Variants in PRORP observed in about 807,000 individuals in gnomAD.
PRORP encodes mitochondrial ribonuclease P catalytic subunit.
Under a neutral mutation model 59.4 loss-of-function variants are expected in PRORP, and 51 were observed. The ratio of observed to expected loss-of-function variants is 0.86; its 90% CI spans 0.69 to 1.08. The LOEUF (loss-of-function observed/expected upper bound fraction) is 1.08, where lower values mean the gene tolerates loss of function less well. Among genes scored for constraint, PRORP ranks in the 50% least tolerant of loss-of-function variants. PRORP has a pLI of 0.00. For synonymous variants in PRORP, 231 were observed against 245.6 expected (o/e 0.94, Z 0.55); for missense variants, 646 against 690.3 (o/e 0.94, Z 0.72).
At chr14:35,194,011 A>T (rs958428665) in intron 5 of PRORP, among the ~76,000 whole-genome samples, 1 of 152,060 alleles carries the variant, frequency 6.6e-6, no homozygotes, top group Non-Finnish European at 1.5e-5. Context: ...TCAAATATAT[A>T]TATGAGGAGC....
rs1566480704 is a variant in PRORP, at chr14:35,180,746, A to G, written c.1244A>G (p.Lys415Arg). ...GTCATTGATGGTCTCAATGTTGCCAAAATGTTTCCTAAAGTTCGTGAATCT... is the reference window on the plus strand; with the variant it reads ...GTCATTGATGGTCTCAATGTTGCCAGAATGTTTCCTAAAGTTCGTGAATCT... ...DVVIDGLNVAKMFPKVRESQL... is the reference protein window; with the variant it reads ...DVVIDGLNVARMFPKVRESQL... The change falls in exon 5 of 8, where the codon AAA becomes AGA. Residue 415 changes from lysine to arginine, a missense_variant. Lys to Arg is a conservative substitution (Grantham distance 26). Coordinates refer to ENST00000534898, the MANE Select transcript of PRORP (RefSeq NM_014672.4). 5.6e-6 allele frequency: 9 copies of G among 1,612,156 alleles called. No homozygotes were observed. Among genetic ancestry groups the G allele is most frequent in the Non-Finnish European group, 7.6e-6 (9 of 1,178,632 alleles).
chr14:35,162,973 T>G (rs2048098633), intron 4 of PRORP, among the ~76,000 whole-genome samples: 1 of 152,170 alleles, frequency 6.6e-6, no homozygotes, highest in Non-Finnish European at 1.5e-5. Context: ...TTTTGGACTT[T>G]CTGTTCTGAT....
intron 5 of PRORP, among the ~76,000 whole-genome samples, chr14:35,218,472 A>AAC (rs1226840684): frequency 6.9e-5 from 10 of 145,848 alleles, no homozygotes; most frequent in Non-Finnish European, 1.4e-4. Context: ...AAAAAGAAAA[A>AAC]AAAAAAAAAA....
chr14:35,126,083 G>T (rs1282499910), intron 2 of PRORP, among the ~76,000 whole-genome samples: 4 of 152,158 alleles, frequency 2.6e-5, no homozygotes, highest in Non-Finnish European at 5.9e-5. Context: ...GAGAAGAGTA[G>T]ATAGGAGAGG....
At chr14:35,158,130 T>C in intron 4 of PRORP, 1 of 277,808 alleles carries the variant, frequency 3.6e-6, no homozygotes, top group Non-Finnish European at 7.1e-6. Context: ...TTCAAACACC[T>C]GCTCCATTTC....
intron 5 of PRORP, among the ~76,000 whole-genome samples, chr14:35,186,663 T>G (rs1486621894): frequency 6.6e-6 from 1 of 151,636 alleles, no homozygotes; most frequent in Non-Finnish European, 1.5e-5. Flanking sequence ...TGCAGTCATA[T>G]CTCACTGCAG....
chr14:35,179,775 G>A (rs897268177), intron 4 of PRORP, among the ~76,000 whole-genome samples: 1 of 152,196 alleles, frequency 6.6e-6, no homozygotes, highest in Non-Finnish European at 1.5e-5. Context: ...TGTTGCTGGC[G>A]AGGAGCTGCG....
intron 5 of PRORP, chr14:35,235,288 T>C (rs2050181969): frequency 5.8e-6 from 4 of 690,222 alleles, no homozygotes; most frequent in South Asian, 5.4e-5. Context: ...TTTCATCATA[T>C]CTGTCATTGT....
rs192262648 is a variant in PRORP at position 35,220,921 on chromosome 14, A to G, written c.1275+40144A>G. 1.4e-3 allele frequency among the ~76,000 whole-genome samples: 212 copies of G among 152,282 alleles called. 1 individual carries two copies. The highest frequency in any genetic ancestry group is 2.4e-3 in the Non-Finnish European group (162 of 68,036). Reference sequence around the variant, plus strand: ...AAGACACTGTGATAAGTATTTGGATAATGTTTAGTATAGGATCTAAGGGAG... The same window carrying G: ...AAGACACTGTGATAAGTATTTGGATGATGTTTAGTATAGGATCTAAGGGAG... On this transcript the variant is annotated intron_variant, in intron 5 of 7. Transcript: ENST00000534898.
intron 5 of PRORP, among the ~76,000 whole-genome samples, chr14:35,239,762 T>A (rs1218379153): frequency 6.6e-6 from 1 of 152,116 alleles, no homozygotes; most frequent in African/African-American, 2.4e-5. Context: ...GGTCTTCTGC[T>A]CTGGCCTCTA....
At chr14:35,148,950 G>A (rs1210996122) in intron 4 of PRORP, among the ~76,000 whole-genome samples, 8 of 114,016 alleles carry the variant, frequency 7.0e-5, no homozygotes, top group East Asian at 2.6e-4. Context: ...ACGGAGTCTC[G>A]CTCTGTGGCC....
At chr14:35,236,196 C>T (rs984122630) in intron 5 of PRORP, among the ~76,000 whole-genome samples, 3 of 151,170 alleles carry the variant, frequency 2.0e-5, no homozygotes, top group Admixed American at 1.3e-4. Context: ...CAGGATTAGA[C>T]ATGTCTCATT....
intron 4 of PRORP, among the ~76,000 whole-genome samples, chr14:35,169,940 G>A (rs1453924808): frequency 1.3e-5 from 2 of 152,192 alleles, no homozygotes; most frequent in African/African-American, 4.8e-5. Context: ...ATCTGTAATT[G>A]TAGAGTTACC....
intron 4 of PRORP, among the ~76,000 whole-genome samples, chr14:35,131,704 T>C (rs942481095): frequency 6.6e-6 from 1 of 151,826 alleles, no homozygotes; most frequent in Admixed American, 6.6e-5. Context: ...AATTTTTATA[T>C]TTTTAGTAGA....
intron 6 of PRORP, among the ~76,000 whole-genome samples, chr14:35,268,926 G>A (rs1444855337): frequency 6.6e-6 from 1 of 152,148 alleles, no homozygotes; most frequent in Non-Finnish European, 1.5e-5. Flanking sequence ...AAGTACAGTA[G>A]CTCTCAATCA....
Position 35,205,884 on chromosome 14 carries a change from AC to A in PRORP, c.1275+25111del, listed in dbSNP as rs1379118354. Among the ~76,000 whole-genome samples the A allele has an allele frequency of 2.6e-5, 4 of 151,940 alleles. No homozygotes were observed. The South Asian group carries it at 6.2e-4, about 24-fold the overall frequency. ...GGAAGTCTTCCCTAATCTCCATGCT[AC>A]CCCTGCCACCAAGTCCTCTTCAGTC... On this transcript the variant is annotated intron_variant, in intron 5 of 7. Coordinates refer to ENST00000534898, the MANE Select transcript of PRORP (RefSeq NM_014672.4).
chr14:35,149,384 T>A (rs2047688433), intron 4 of PRORP, among the ~76,000 whole-genome samples: 1 of 152,050 alleles, frequency 6.6e-6, no homozygotes, highest in South Asian at 2.1e-4. Context: ...GGATCATTTT[T>A]AAATTTTTTG....
Position 35,262,177 on chromosome 14 carries a change from T to TTAG in PRORP, c.1276-4548_1276-4547insGTA, listed in dbSNP as rs561596759. 5.2e-4 allele frequency among the ~76,000 whole-genome samples: 79 copies of TTAG among 151,714 alleles called. No homozygotes were observed. In the East Asian group the frequency reaches 0.015, roughly 28 times the overall value. ...TGTTTGAATTTTTTTTATAATTTTA[T>TTAG]TATTATTATTATTATTTAGAGATGG... On this transcript the variant is annotated intron_variant, in intron 5 of 7. Coordinates refer to ENST00000534898, the MANE Select transcript of PRORP (RefSeq NM_014672.4).
Position 35,270,444 on chromosome 14 carries a change from G to C in PRORP, c.1468G>C (p.Gly490Arg). The C allele has an allele frequency of 1.9e-6, 3 of 1,613,986 alleles. No individual in the cohort carries two copies. The highest frequency in any genetic ancestry group is 2.5e-6 in the Non-Finnish European group (3 of 1,180,000). Reference sequence around the variant, plus strand: ...CCTTCTGTATGCCACACTGCACTCCGGGAATCACTGCAGGTTTATCACAAG... The same window carrying C: ...CCTTCTGTATGCCACACTGCACTCCCGGAATCACTGCAGGTTTATCACAAG... The part of the protein sequence containing the change: ...PFLLYATLHS[G>R]NHCRFITRDL... Residue 490 changes from glycine to arginine, a missense_variant, in exon 7 of 8, where the codon GGG becomes CGG. Physicochemically the swap from Gly to Arg is moderately radical, Grantham distance 125. Coordinates refer to ENST00000534898, the MANE Select transcript of PRORP (RefSeq NM_014672.4).
Sources: gnomAD v4.1 joint callset for allele counts (sites outside exome capture counted in the v4.1 genomes callset) on GRCh38, gnomAD v4.1.1 for gene constraint, MANE v1.5 for transcripts, NCBI Gene and HGNC (gene_info 2026-07-23, HGNC 2026-07-21) for gene names.